The following EYA1 variants were observed in gnomAD, a reference collection of about 807,000 sequenced individuals.
The protein encoded by EYA1 is protein phosphatase EYA1.
In EYA1, 16 loss-of-function variants were observed where a neutral mutation model predicts 82.0. The observed-to-expected ratio is 0.20, with a 90% confidence interval of 0.13 to 0.30. The LOEUF (loss-of-function observed/expected upper bound fraction) is 0.30, where lower values mean the gene tolerates loss of function less well. Among genes scored for constraint, EYA1 ranks in the 10% least tolerant of loss-of-function variants. EYA1 has a pLI of 1.00. For synonymous variants in EYA1, 261 were observed against 264.4 expected (o/e 0.99, Z 0.12); for missense variants, 633 against 730.7 (o/e 0.87, Z 1.54).
chr8:71,527,233 C>G (rs1813886009), intron 2 of EYA1, among the ~76,000 whole-genome samples: 1 of 152,150 alleles, frequency 6.6e-6, no homozygotes, highest in Non-Finnish European at 1.5e-5. Context: ...AACTAGATCA[C>G]CAAACTGAGT....
chr8:71,232,591 C>T (rs889157570), intron 12 of EYA1, among the ~76,000 whole-genome samples: 8 of 152,184 alleles, frequency 5.3e-5, no homozygotes, highest in Admixed American at 2.6e-4. Flanking sequence ...GTGGGAGGAG[C>T]CCATGAATAA....
intron 6 of EYA1, 56 bp downstream of exon 6, chr8:71,321,678 G>A: frequency 1.9e-6 from 3 of 1,594,980 alleles, no homozygotes; most frequent in East Asian, 2.3e-5. Flanking sequence ...ACTCAAACAT[G>A]TTAATACACG....
intron 11 of EYA1, among the ~76,000 whole-genome samples, chr8:71,248,707 A>G (rs1813396173): frequency 6.6e-6 from 1 of 152,328 alleles, no homozygotes; most frequent in East Asian, 1.9e-4. Context: ...TATTCTAGCA[A>G]CTGGAGTTCT....
intron 11 of EYA1, among the ~76,000 whole-genome samples, chr8:71,257,122 A>G (rs986723141): frequency 2.6e-5 from 4 of 152,284 alleles, no homozygotes; most frequent in African/African-American, 9.6e-5. Flanking sequence ...TATTACTTCT[A>G]TTCTATTCTT....
chr8:71,201,831 A>G (rs962304320), intron 17 of EYA1, among the ~76,000 whole-genome samples: 1 of 152,182 alleles, frequency 6.6e-6, no homozygotes, highest in Non-Finnish European at 1.5e-5. Flanking sequence ...CCTACTTGGT[A>G]TCTATTTTTA....
rs1018769550 is a variant in EYA1, at chr8:71,246,615, C to A, written c.1051-1923G>T. On this transcript the variant is annotated intron_variant, in intron 11 of 17. Coordinates refer to ENST00000340726, the MANE Select transcript of EYA1 (RefSeq NM_000503.6). ...GGCCTAGACTGTAGGCCAGACCCTG[C>A]CTTTGCTTTCCCACTTAGGTGTCAT... is the stretch of plus-strand genomic sequence containing the variant. Among the ~76,000 whole-genome samples, 87 of 152,302 alleles carry A rather than the reference C, an allele frequency of 5.7e-4. No individual in the cohort carries two copies. In the Middle Eastern group the frequency reaches 0.017, roughly 30 times the overall value.
At chr8:71,474,051 G>C (rs959872411) in intron 2 of EYA1, among the ~76,000 whole-genome samples, 1 of 152,130 alleles carries the variant, frequency 6.6e-6, no homozygotes, top group East Asian at 1.9e-4. Context: ...GCCTGTTATT[G>C]GGGGGTGCAT....
At chr8:71,460,938 G>T (rs1808313337) in intron 2 of EYA1, among the ~76,000 whole-genome samples, 1 of 152,150 alleles carries the variant, frequency 6.6e-6, no homozygotes, top group African/African-American at 2.4e-5. Context: ...AGAAATCAAA[G>T]AACTTGAAAG....
At chr8:71,363,369 C>T (rs182811794), upstream of EYA1, among the ~76,000 whole-genome samples, 6 of 152,084 alleles carry the variant, frequency 3.9e-5, no homozygotes, top group Admixed American at 3.3e-4. Context: ...TTACAGACTT[C>T]CCCCCAACCA....
At chr8:71,250,386 C>T (rs1040238989) in intron 11 of EYA1, among the ~76,000 whole-genome samples, 3 of 152,136 alleles carry the variant, frequency 2.0e-5, no homozygotes, top group Non-Finnish European at 4.4e-5. Context: ...CTACAGGCAG[C>T]GCTCCCCGCT....
chr8:71,320,875 A>G (rs574592141), intron 6 of EYA1, among the ~76,000 whole-genome samples: 1 of 152,200 alleles, frequency 6.6e-6, no homozygotes, highest in African/African-American at 2.4e-5. Flanking sequence ...AAAATTCTGT[A>G]CTTGTTGCAC....
intron 12 of EYA1, among the ~76,000 whole-genome samples, chr8:71,236,577 G>A (rs1383598034): frequency 2.6e-5 from 4 of 151,998 alleles, no homozygotes; most frequent in South Asian, 2.1e-4. Flanking sequence ...ATGGGGGGTG[G>A]GTATATTATG....
chr8:71,263,328 C>T (rs1003514953), intron 11 of EYA1, among the ~76,000 whole-genome samples: 1 of 152,108 alleles, frequency 6.6e-6, no homozygotes, highest in African/African-American at 2.4e-5. Flanking sequence ...GCTAATGATC[C>T]CAGAAGCTTC....
At chr8:71,478,198 A>G (rs561432147) in intron 2 of EYA1, among the ~76,000 whole-genome samples, 1 of 152,334 alleles carries the variant, frequency 6.6e-6, no homozygotes, top group African/African-American at 2.4e-5. Context: ...ATACCTCAGT[A>G]AAGCTAACAC....
intron 9 of EYA1, among the ~76,000 whole-genome samples, chr8:71,279,785 T>C (rs1305229354): frequency 6.6e-6 from 1 of 152,190 alleles, no homozygotes; most frequent in African/African-American, 2.4e-5. Flanking sequence ...AGGTCACAGG[T>C]ATATGATGGG....
At chr8:71,470,931 G>A (rs901859830) in intron 2 of EYA1, 16 of 448,994 alleles carry the variant, frequency 3.6e-5, no homozygotes, top group African/African-American at 2.0e-4. Flanking sequence ...GTGCCAATGG[G>A]CTTTAAAAAA....
chr8:71,289,499 T>A (rs906518557), intron 9 of EYA1, among the ~76,000 whole-genome samples: 1 of 152,220 alleles, frequency 6.6e-6, no homozygotes, highest in Non-Finnish European at 1.5e-5. Flanking sequence ...ACGCAGCTAC[T>A]ACCTTTAGGA....
chr8:71,498,096 T>C (rs1294082331), intron 2 of EYA1, among the ~76,000 whole-genome samples: 2 of 152,008 alleles, frequency 1.3e-5, no homozygotes, highest in Non-Finnish European at 2.9e-5. Flanking sequence ...GGATAAAAAA[T>C]TTCAGGTAGC....
intron 2 of EYA1, among the ~76,000 whole-genome samples, chr8:71,405,982 G>A (rs1055893245): frequency 6.6e-6 from 1 of 152,038 alleles, no homozygotes; most frequent in East Asian, 1.9e-4. Flanking sequence ...GACAGCATAG[G>A]GATATCATTA....
Sources: gnomAD v4.1 joint callset for allele counts (sites outside exome capture counted in the v4.1 genomes callset) on GRCh38, gnomAD v4.1.1 for gene constraint, MANE v1.5 for transcripts, NCBI Gene and HGNC (gene_info 2026-07-23, HGNC 2026-07-21) for gene names.